Variants in SGCD observed in about 807,000 individuals in gnomAD.
The protein encoded by SGCD is delta-sarcoglycan.
SGCD carries 18 observed loss-of-function variants against 36.6 expected under a neutral mutation model. The ratio of observed to expected loss-of-function variants is 0.49; its 90% CI spans 0.34 to 0.73. The LOEUF (loss-of-function observed/expected upper bound fraction) is 0.73. Ranked by LOEUF, SGCD falls within the 30% of genes least tolerant of loss-of-function variation. The pLI is 0.01. For missense variants in SGCD, 387 were observed against 346.7 expected (o/e 1.12, Z -0.92); for synonymous variants, 133 against 130.6 (o/e 1.02, Z -0.12).
At chr5:156,098,189 G>A (rs1043930505) in intron 1 of SGCD, among the ~76,000 whole-genome samples, 1 of 152,090 alleles carries the variant, frequency 6.6e-6, no homozygotes, top group South Asian at 2.1e-4. Context: ...CCTTTATTTT[G>A]TTCTGACCAC....
At chr5:156,513,289 G>A (rs1309487964) in intron 4 of SGCD, among the ~76,000 whole-genome samples, 2 of 152,058 alleles carry the variant, frequency 1.3e-5, no homozygotes, top group Non-Finnish European at 2.9e-5. Flanking sequence ...CAACCAATAG[G>A]ATCTGCCATT....
chr5:156,715,445 G>A (rs992203149), intron 7 of SGCD, among the ~76,000 whole-genome samples: 5 of 151,992 alleles, frequency 3.3e-5, no homozygotes, highest in East Asian at 1.9e-4. Flanking sequence ...GGTCTTTTTC[G>A]GTCAGCTTTG....
At chr5:156,580,587 T>A (rs1378571753) in intron 4 of SGCD, among the ~76,000 whole-genome samples, 2 of 152,236 alleles carry the variant, frequency 1.3e-5, no homozygotes, top group Non-Finnish European at 2.9e-5. Context: ...TCTTGGAGGC[T>A]TTGTTCGTTT....
chr5:156,179,844 G>A (rs1202749817), intron 3 of SGCD, among the ~76,000 whole-genome samples: 1 of 151,950 alleles, frequency 6.6e-6, no homozygotes, highest in African/African-American at 2.4e-5. Context: ...GGTTGGTCTC[G>A]AATTCCTCAC....
intron 1 of SGCD, among the ~76,000 whole-genome samples, chr5:156,003,853 C>T (rs1581037160): frequency 6.6e-6 from 1 of 152,084 alleles, no homozygotes; most frequent in South Asian, 2.1e-4. Flanking sequence ...TACTGATGAC[C>T]CCACAAGCTT....
chr5:156,140,430 T>G (rs953366021), intron 3 of SGCD, among the ~76,000 whole-genome samples: 2 of 152,144 alleles, frequency 1.3e-5, no homozygotes, highest in African/African-American at 4.8e-5. Flanking sequence ...AAGACCAGTT[T>G]GATGAGGTCG....
intron 4 of SGCD, among the ~76,000 whole-genome samples, chr5:156,534,092 T>C (rs930222326): frequency 4.6e-5 from 7 of 152,164 alleles, no homozygotes; most frequent in Non-Finnish European, 1.5e-5. Context: ...GCCTAGGGAA[T>C]AACTAAGAGT....
At chr5:156,388,875 C>A (rs1177129864) in intron 3 of SGCD, among the ~76,000 whole-genome samples, 1 of 152,126 alleles carries the variant, frequency 6.6e-6, no homozygotes, top group Non-Finnish European at 1.5e-5. Flanking sequence ...AATATCGAGA[C>A]CAGAAGATCT....
chr5:155,864,978 C>T, the SGCD span, among the ~76,000 whole-genome samples: 2 of 152,128 alleles, frequency 1.3e-5, no homozygotes, highest in Non-Finnish European at 2.9e-5. Context: ...TTCAAAACAA[C>T]TCTGTAACAA....
chr5:156,095,338 GTCTA>G lies in SGCD; in HGVS notation c.-281-22534_-281-22531del, dbSNP rs1213956848. On this transcript the variant is annotated intron_variant, in intron 1 of 9. Coordinates refer to the SGCD transcript ENST00000517913. ...TACCTCAGTCTTATTCCAAGTCCCG[GTCTA>G]TCTATTTTGATAGAGATAACTGAAG... 1.8e-3 allele frequency among the ~76,000 whole-genome samples: 275 copies of G among 152,284 alleles called. 4 individuals are homozygous for G. The highest frequency in any genetic ancestry group is 9.6e-4 in the East Asian group (5 of 5,182).
chr5:156,706,211 A>T (rs1008134289), intron 7 of SGCD, among the ~76,000 whole-genome samples: 1 of 152,118 alleles, frequency 6.6e-6, no homozygotes, highest in Non-Finnish European at 1.5e-5. Context: ...CCATTCTTCT[A>T]GATAGCATAA....
At chr5:156,534,814 T>C in intron 4 of SGCD, among the ~76,000 whole-genome samples, 1 of 152,200 alleles carries the variant, frequency 6.6e-6, no homozygotes, top group South Asian at 2.1e-4. Context: ...ATTAAACATA[T>C]ACAGGGTGCC....
At chr5:155,979,193 C>G (rs553960670) in intron 1 of SGCD, among the ~76,000 whole-genome samples, 1 of 152,278 alleles carries the variant, frequency 6.6e-6, no homozygotes, top group African/African-American at 2.4e-5. Flanking sequence ...ATTGCAACTA[C>G]CTTGAATATT....
At chr5:156,601,841 G>A (rs1035108438) in intron 6 of SGCD, among the ~76,000 whole-genome samples, 8 of 151,710 alleles carry the variant, frequency 5.3e-5, no homozygotes, top group Non-Finnish European at 1.0e-4. Flanking sequence ...CTGCCACCAC[G>A]CCCGGCTAAT....
intron 3 of SGCD, among the ~76,000 whole-genome samples, chr5:156,172,302 A>T (rs989771529): frequency 6.6e-6 from 1 of 152,102 alleles, no homozygotes; most frequent in East Asian, 1.9e-4. Context: ...AAACAAAAAC[A>T]AACAAACAAA....
At chr5:155,898,139 A>C (rs1288031496) in intron 1 of SGCD, among the ~76,000 whole-genome samples, 1 of 152,178 alleles carries the variant, frequency 6.6e-6, no homozygotes, top group Non-Finnish European at 1.5e-5. Flanking sequence ...TGTAACCTCT[A>C]AGAAATTTGT....
chr5:156,314,071 T>C (rs1388150822), intron 3 of SGCD, among the ~76,000 whole-genome samples: 3 of 152,010 alleles, frequency 2.0e-5, no homozygotes, highest in African/African-American at 7.2e-5. Flanking sequence ...TCATGATCCC[T>C]ATAGTTACAC....
chr5:156,008,602 C>G (rs2127569980), intron 1 of SGCD, among the ~76,000 whole-genome samples: 1 of 152,246 alleles, frequency 6.6e-6, no homozygotes. Context: ...TCTCAAATTC[C>G]TGGCCCCAAG....
chr5:156,677,390 T>C (rs1753555497), intron 7 of SGCD, among the ~76,000 whole-genome samples: 1 of 152,100 alleles, frequency 6.6e-6, no homozygotes, highest in Admixed American at 6.5e-5. Flanking sequence ...CTGGAAACCA[T>C]CATTCTGAGA....
Sources: allele counts gnomAD v4.1 joint callset (sites outside exome capture counted in the v4.1 genomes callset), GRCh38; gene constraint gnomAD v4.1.1; transcripts MANE v1.5; gene names NCBI Gene and HGNC (gene_info 2026-07-23, HGNC 2026-07-21).